Variants in BCKDHB observed in about 807,000 individuals in gnomAD.
BCKDHB encodes the protein 2-oxoisovalerate dehydrogenase subunit beta, mitochondrial.
BCKDHB carries 41 observed loss-of-function variants against 48.5 expected under a neutral mutation model. The observed-to-expected ratio is 0.85, with a 90% confidence interval of 0.66 to 1.10. BCKDHB has a LOEUF of 1.10. Among genes scored for constraint, BCKDHB ranks in the 50% least tolerant of loss-of-function variants. BCKDHB has a pLI of 0.00. For missense variants in BCKDHB, 496 were observed against 494.2 expected (o/e 1.00, Z -0.03); for synonymous variants, 201 against 174.8 (o/e 1.15, Z -1.18).
At chr6:80,167,894 C>T (rs1772659390) in intron 4 of BCKDHB, 83 bp downstream of exon 4, 2 of 1,321,944 alleles carry the variant, frequency 1.5e-6, no homozygotes, top group East Asian at 4.9e-5. Context: ...CCCTTACCTG[C>T]ATTCTAAACA....
intron 8 of BCKDHB, among the ~76,000 whole-genome samples, chr6:80,220,304 G>GTTTTTTTTTTTTTTTTTT (rs56967096): frequency 1.8e-4 from 11 of 60,856 alleles, no homozygotes; most frequent in Admixed American, 2.5e-4. Context: ...CATGCTATTT[G>GTTTTTTTTTTTTTTTTTT]TTTTTTTTTT....
At chr6:80,117,817 T>C (rs1484844760) in intron 1 of BCKDHB, among the ~76,000 whole-genome samples, 1 of 152,236 alleles carries the variant, frequency 6.6e-6, no homozygotes, top group Non-Finnish European at 1.5e-5. Flanking sequence ...AATATGTGGG[T>C]AAATCTCTGT....
intron 8 of BCKDHB, among the ~76,000 whole-genome samples, chr6:80,247,954 T>C (rs576696462): frequency 1.3e-5 from 2 of 152,342 alleles, no homozygotes; most frequent in East Asian, 3.9e-4. Context: ...CCAGTGGGAA[T>C]TCCAATTATT....
At chr6:80,275,247 G>A (rs1350840285) in intron 9 of BCKDHB, among the ~76,000 whole-genome samples, 1 of 151,986 alleles carries the variant, frequency 6.6e-6, no homozygotes, top group Non-Finnish European at 1.5e-5. Context: ...ATTTTATAAA[G>A]ACAGTGGAAT....
chr6:80,363,875 G>A, the BCKDHB span, among the ~76,000 whole-genome samples: 1 of 152,230 alleles, frequency 6.6e-6, no homozygotes, highest in African/African-American at 2.4e-5. Flanking sequence ...TAGGTGGCTT[G>A]TAGATGACTG....
chr6:80,343,144 C>T (rs1252840568), intron 9 of BCKDHB, among the ~76,000 whole-genome samples: 1 of 152,110 alleles, frequency 6.6e-6, no homozygotes, highest in African/African-American at 2.4e-5. Flanking sequence ...TGGCCAGAGA[C>T]CCAGCATTAT....
At chr6:80,446,418 C>T in the BCKDHB span, among the ~76,000 whole-genome samples, 67 of 152,324 alleles carry the variant, frequency 4.4e-4, no homozygotes, top group African/African-American at 1.2e-3. Context: ...CATGGTTTCA[C>T]GTGTTTATAA....
chr6:80,161,581 T>C (rs527342597), intron 3 of BCKDHB, among the ~76,000 whole-genome samples: 3 of 152,234 alleles, frequency 2.0e-5, no homozygotes, highest in Non-Finnish European at 4.4e-5. Context: ...CTTGTCCTTA[T>C]GGACCTCAGG....
chr6:80,432,024 A>T, the BCKDHB span, among the ~76,000 whole-genome samples: 1 of 151,672 alleles, frequency 6.6e-6, no homozygotes, highest in Non-Finnish European at 1.5e-5. Flanking sequence ...ATTGGCCCCC[A>T]TGCTCTTCTG....
the BCKDHB span, among the ~76,000 whole-genome samples, chr6:80,388,256 T>A: frequency 6.6e-6 from 1 of 152,180 alleles, no homozygotes; most frequent in African/African-American, 2.4e-5. Flanking sequence ...TTGGGCCATA[T>A]GATCCAGTGG....
At chr6:80,279,884 A>G (rs1244616499) in intron 9 of BCKDHB, among the ~76,000 whole-genome samples, 2 of 152,190 alleles carry the variant, frequency 1.3e-5, no homozygotes, top group South Asian at 2.1e-4. Flanking sequence ...TCAGAGAACT[A>G]TAGGATTATA....
chr6:80,459,219 G>A, the BCKDHB span, among the ~76,000 whole-genome samples: 1 of 152,072 alleles, frequency 6.6e-6, no homozygotes, highest in Non-Finnish European at 1.5e-5. Context: ...GCCAAGATGT[G>A]GAAACTATCC....
intron 9 of BCKDHB, among the ~76,000 whole-genome samples, chr6:80,276,960 G>A (rs1231974006): frequency 6.6e-6 from 1 of 151,962 alleles, no homozygotes; most frequent in Admixed American, 6.6e-5. Context: ...AGCAAGCTGA[G>A]GTCTGGTATA....
chr6:80,159,764 AT>A (rs1029752086), intron 3 of BCKDHB, among the ~76,000 whole-genome samples: 3 of 152,022 alleles, frequency 2.0e-5, no homozygotes, highest in African/African-American at 7.2e-5. Context: ...AATGACTTTT[AT>A]TTCCCTGGTT....
At chr6:80,139,458 T>C (rs530646720) in intron 3 of BCKDHB, among the ~76,000 whole-genome samples, 1 of 152,170 alleles carries the variant, frequency 6.6e-6, no homozygotes, top group Admixed American at 6.5e-5. Flanking sequence ...AAGTCTTTAA[T>C]CCATCTTGAA....
At chr6:80,425,489 C>A in the BCKDHB span, among the ~76,000 whole-genome samples, 227 of 152,116 alleles carry the variant, frequency 1.5e-3, 1 homozygote, top group African/African-American at 4.7e-3. Flanking sequence ...TATGTGTGGT[C>A]AGGAAAGGAA....
chr6:80,430,003 G>C, the BCKDHB span, among the ~76,000 whole-genome samples: 1 of 152,168 alleles, frequency 6.6e-6, no homozygotes, highest in Non-Finnish European at 1.5e-5. Context: ...CTGTGGGTTT[G>C]TCATAAATAG....
intron 6 of BCKDHB, among the ~76,000 whole-genome samples, chr6:80,179,485 A>G (rs1582297216): frequency 6.6e-6 from 1 of 152,268 alleles, no homozygotes; most frequent in Non-Finnish European, 1.5e-5. Flanking sequence ...TAAGTAATCT[A>G]GATATGATTT....
chr6:80,407,464 C>T, the BCKDHB span, among the ~76,000 whole-genome samples: 7 of 152,008 alleles, frequency 4.6e-5, no homozygotes, highest in South Asian at 2.1e-4. Flanking sequence ...GCCATTTTCA[C>T]GATATTGATT....
Sources: allele counts gnomAD v4.1 joint callset (sites outside exome capture counted in the v4.1 genomes callset), GRCh38; gene constraint gnomAD v4.1.1; transcripts MANE v1.5; gene names NCBI Gene and HGNC (gene_info 2026-07-23, HGNC 2026-07-21).